Variants in PRTFDC1 observed in about 807,000 individuals in gnomAD.
PRTFDC1 encodes phosphoribosyl transferase domain containing 1.
In PRTFDC1, 38 loss-of-function variants were observed where a neutral mutation model predicts 34.6. The observed-to-expected ratio is 1.10, with a 90% CI of 0.85 to 1.44. PRTFDC1 has a LOEUF of 1.44. Among genes scored for constraint, PRTFDC1 ranks in the 40% most tolerant of loss-of-function variants. The pLI, the probability that PRTFDC1 is intolerant of heterozygous loss-of-function variation, is 0.00. For synonymous variants in PRTFDC1, 93 were observed against 98.1 expected (o/e 0.95, Z 0.31); for missense variants, 270 against 283.0 (o/e 0.95, Z 0.33).
At position 24,879,731 on chromosome 10, in the gene PRTFDC1, G is replaced by A. The variant is rs185427647; in HGVS notation, c.340-7668C>T. On this transcript the variant is annotated intron_variant, in intron 3 of 8. Coordinates refer to ENST00000320152, the MANE Select transcript of PRTFDC1 (RefSeq NM_020200.7). ...CAAAAGTTTGAAAACTATTAAGTGG[G>A]TGCAAAAGTAACTGTCGTTTTTGCC... Among the ~76,000 whole-genome samples, 560 of 152,240 alleles carry A rather than the reference G, an allele frequency of 3.7e-3. 2 individuals are homozygous for A. Among genetic ancestry groups the A allele is most frequent in the African/African-American group, 0.012 (501 of 41,538 alleles).
chr10:24,890,585 G>A (rs1848242757), intron 3 of PRTFDC1, among the ~76,000 whole-genome samples: 1 of 152,206 alleles, frequency 6.6e-6, no homozygotes, highest in Non-Finnish European at 1.5e-5. Context: ...TGTTTTGTAA[G>A]GGAGGGAGGA....
chr10:24,893,901 T>C (rs1848304951), intron 3 of PRTFDC1, among the ~76,000 whole-genome samples: 1 of 152,186 alleles, frequency 6.6e-6, no homozygotes, highest in Non-Finnish European at 1.5e-5. Context: ...ATGCTGGCGG[T>C]AGCAGTGCTC....
intron 7 of PRTFDC1, among the ~76,000 whole-genome samples, chr10:24,853,911 C>A (rs984442023): frequency 5.9e-5 from 9 of 152,174 alleles, no homozygotes; most frequent in African/African-American, 2.2e-4. Flanking sequence ...AGGGCAGTGA[C>A]TGAAACCAGA....
At chr10:24,891,686 G>C (rs559886346) in intron 3 of PRTFDC1, among the ~76,000 whole-genome samples, 51 of 152,024 alleles carry the variant, frequency 3.4e-4, no homozygotes, top group Non-Finnish European at 6.0e-4. Context: ...AGGATTGCTT[G>C]AGCCCAGGAG....
At chr10:24,870,750 A>G (rs1199044999) in intron 4 of PRTFDC1, among the ~76,000 whole-genome samples, 1 of 152,174 alleles carries the variant, frequency 6.6e-6, no homozygotes, top group African/African-American at 2.4e-5. Context: ...ATAGCCATTT[A>G]ACACATAGAT....
At position 24,908,580 on chromosome 10, in the gene PRTFDC1, G is replaced by C. The variant is rs199763743; in HGVS notation, c.339+28604C>G. 1,025 of 1,612,708 alleles carry C rather than the reference G, an allele frequency of 6.4e-4. 1 individual carries two copies. The highest frequency in any genetic ancestry group is 8.3e-4 in the Non-Finnish European group (976 of 1,179,894). ...AGCACTTGGAGGTAACCTCTCCAGA[G>C]GGTATTTGGAGATTCTTGCAGGGGA... is the stretch of plus-strand genomic sequence containing the variant. On this transcript the variant is annotated intron_variant, in intron 3 of 8. Coordinates refer to ENST00000320152, the MANE Select transcript of PRTFDC1 (RefSeq NM_020200.7).
chr10:24,942,753 T>G (rs1052767006), intron 1 of PRTFDC1, among the ~76,000 whole-genome samples: 2 of 152,202 alleles, frequency 1.3e-5, no homozygotes, highest in Non-Finnish European at 2.9e-5. Flanking sequence ...GTTCAATCAG[T>G]TCTTCTGCCT....
intron 1 of PRTFDC1, among the ~76,000 whole-genome samples, chr10:24,948,223 A>G (rs1218520128): frequency 6.6e-6 from 1 of 152,210 alleles, no homozygotes; most frequent in Non-Finnish European, 1.5e-5. Flanking sequence ...TTCCTACCAA[A>G]CTCACTTAGG....
At chr10:24,914,483 A>C (rs1020707086) in intron 3 of PRTFDC1, among the ~76,000 whole-genome samples, 1 of 152,180 alleles carries the variant, frequency 6.6e-6, no homozygotes, top group African/African-American at 2.4e-5. Flanking sequence ...GCTTAAGGCC[A>C]TTTTGTGCCT....
At chr10:24,860,134 C>T (rs1565257421) in intron 4 of PRTFDC1, among the ~76,000 whole-genome samples, 1 of 152,136 alleles carries the variant, frequency 6.6e-6, no homozygotes, top group African/African-American at 2.4e-5. Flanking sequence ...AATCCCAGCA[C>T]TTTAGGAGGC....
chr10:24,906,344 G>A (rs773428676), intron 3 of PRTFDC1, among the ~76,000 whole-genome samples: 4 of 152,076 alleles, frequency 2.6e-5, no homozygotes, highest in African/African-American at 4.8e-5. Context: ...CACTGCAAGC[G>A]CCAGCTACTC....
At chr10:24,910,524 TCA>T (rs1848610035) in intron 3 of PRTFDC1, among the ~76,000 whole-genome samples, 1 of 152,140 alleles carries the variant, frequency 6.6e-6, no homozygotes, top group Non-Finnish European at 1.5e-5. Context: ...TGTGAGTGAA[TCA>T]CTAAAAACCC....
intron 3 of PRTFDC1, among the ~76,000 whole-genome samples, chr10:24,872,707 AATATATATAATACACAAAAT>A (rs758453866): frequency 0.016 from 1,856 of 115,040 alleles, 13 homozygotes; most frequent in South Asian, 0.051. Flanking sequence ...ATATACACAA[AATATATATAATACACAAAAT>A]ATATATATAT....
At chr10:24,851,266 C>T in intron 8 of PRTFDC1, 122 bp downstream of exon 8, 1 of 1,400,526 alleles carries the variant, frequency 7.1e-7, no homozygotes, top group Non-Finnish European at 9.4e-7. Flanking sequence ...AATGTGCTCA[C>T]CATACTCCTG....
At chr10:24,858,559 G>A in intron 4 of PRTFDC1, 150 bp from the exon 5 acceptor site, 1 of 731,172 alleles carries the variant, frequency 1.4e-6, no homozygotes, top group Non-Finnish European at 2.3e-6. Context: ...GGTGATCTAG[G>A]TTTTCCAGAT....
At chr10:24,872,127 T>C in intron 3 of PRTFDC1, 64 bp from the exon 4 acceptor site, 2 of 1,399,232 alleles carry the variant, frequency 1.4e-6, no homozygotes, top group Non-Finnish European at 2.0e-6. Context: ...TAAAGCACAT[T>C]TTCCTGTCTA....
At chr10:24,921,041 C>T (rs958875349) in intron 3 of PRTFDC1, among the ~76,000 whole-genome samples, 2 of 151,900 alleles carry the variant, frequency 1.3e-5, no homozygotes, top group African/African-American at 4.8e-5. Context: ...AAGAATATGT[C>T]ACTTTCATGG....
intron 3 of PRTFDC1, among the ~76,000 whole-genome samples, chr10:24,918,243 T>A (rs1848726880): frequency 6.6e-6 from 1 of 152,170 alleles, no homozygotes; most frequent in Non-Finnish European, 1.5e-5. Context: ...GGGTCCAACT[T>A]ATCTCCATGC....
In PRTFDC1 at chr10:24,952,600, G is replaced by A. The variant is rs1201990957; in HGVS notation, c.-25C>T. ...TGTTTCTCCCGGGGAACGCGGGAAG[G>A]GAAGACGGCGCGGGAAGGAGCAGGG... is the stretch of plus-strand genomic sequence containing the variant. On this transcript the variant is annotated 5_prime_UTR_variant, in exon 1 of 9. Coordinates refer to ENST00000320152, the MANE Select transcript of PRTFDC1 (RefSeq NM_020200.7). This position sits in a 1 kb window ranked among gnomAD's most constrained non-coding sequence, Gnocchi z 5.1. 1.2e-5 allele frequency: 19 copies of A among 1,573,136 alleles called. No homozygotes were observed. The highest frequency in any genetic ancestry group is 1.5e-5 in the Non-Finnish European group (17 of 1,158,654).
Sources: allele counts gnomAD v4.1 joint callset (sites outside exome capture counted in the v4.1 genomes callset), GRCh38; gene constraint gnomAD v4.1.1; non-coding constraint Gnocchi (gnomAD v3.1); transcripts MANE v1.5; gene names NCBI Gene and HGNC (gene_info 2026-07-23, HGNC 2026-07-21).